MACROD1: variants seen among roughly 807,000 people sequenced by gnomAD.
MACROD1 encodes the protein mono-ADP ribosylhydrolase 1.
In MACROD1, 31 loss-of-function variants were observed where a neutral mutation model predicts 41.4. The ratio of observed to expected loss-of-function variants is 0.75; its 90% CI spans 0.56 to 1.01. The LOEUF (loss-of-function observed/expected upper bound fraction) is 1.01, where lower values mean the gene tolerates loss of function less well. MACROD1 is among the 50% of genes least tolerant of loss of function. The pLI, the probability that MACROD1 is intolerant of heterozygous loss-of-function variation, is 0.00. For missense variants in MACROD1, 473 were observed against 460.0 expected, an observed-to-expected ratio of 1.03 and a Z score of -0.26; for synonymous variants, 252 against 203.4, an observed-to-expected ratio of 1.24 and a Z score of -2.03.
chr11:64,137,134 G>A (rs761659984), intron 3 of MACROD1, among the ~76,000 whole-genome samples: 15 of 152,204 alleles, frequency 9.9e-5, no homozygotes, highest in Non-Finnish European at 1.5e-5. Flanking sequence ...CAGCCCCCCA[G>A]GGGCAACCCT....
At chr11:64,115,670 C>CCCCT (rs1244037296) in intron 3 of MACROD1, among the ~76,000 whole-genome samples, 2 of 152,220 alleles carry the variant, frequency 1.3e-5, no homozygotes, top group Non-Finnish European at 2.9e-5. Context: ...TGGCGACGCC[C>CCCCT]CCCTTTTGAG....
rs1311388463 is a variant in MACROD1, at chr11:64,036,888, A to T, written c.518-21607T>A. Among the ~76,000 whole-genome samples, 1 of 151,856 alleles carries T rather than the reference A, an allele frequency of 6.6e-6. No homozygotes were observed. The highest frequency in any genetic ancestry group is 1.5e-5 in the Non-Finnish European group (1 of 67,968). ...ACGCCCCTCCTCGCGGGCACTGGAG[A>T]CCCCGGGGAGGAAGGCTGGGGAGTG... On this transcript the variant is annotated intron_variant, in intron 3 of 10. Transcript: ENST00000255681. The surrounding 1 kb of genome is among the most constrained non-coding windows in gnomAD (Gnocchi z 5.6).
rs1205594503 is a variant in MACROD1, at chr11:64,047,445, AC to A, written c.518-32165del. Among the ~76,000 whole-genome samples the A allele has an allele frequency of 4.6e-5, 7 of 151,718 alleles. No homozygotes were observed. The East Asian group carries it at 1.4e-3, about 29-fold the overall frequency. Reference sequence around the variant, plus strand: ...TGGGGTCCCTGTCCTGTTCCGTTTCACCCCCAGCAGCCGTAAAGCAGGTGGA... The same window carrying A: ...TGGGGTCCCTGTCCTGTTCCGTTTCACCCCAGCAGCCGTAAAGCAGGTGGA... On this transcript the variant is annotated intron_variant, in intron 3 of 10. Transcript: ENST00000255681.
At chr11:64,118,240 C>A in intron 3 of MACROD1, 1 of 1,608,024 alleles carries the variant, frequency 6.2e-7, no homozygotes, top group Non-Finnish European at 8.5e-7. Flanking sequence ...TACGGCACCA[C>A]GCGGGGCTAC....
intron 3 of MACROD1, among the ~76,000 whole-genome samples, chr11:64,038,234 G>A (rs976158000): frequency 3.9e-5 from 6 of 152,226 alleles, no homozygotes; most frequent in African/African-American, 1.4e-4. Flanking sequence ...TAGCTCTGTA[G>A]AGATTCATGC....
At chr11:64,104,439 A>G (rs1944723340) in intron 3 of MACROD1, among the ~76,000 whole-genome samples, 1 of 152,104 alleles carries the variant, frequency 6.6e-6, no homozygotes, top group African/African-American at 2.4e-5. Context: ...TCTACCCAGC[A>G]GCTGGACCCA....
intron 3 of MACROD1, chr11:64,118,444 G>A (rs1257587996): frequency 5.6e-5 from 50 of 890,640 alleles, no homozygotes; most frequent in East Asian, 4.4e-4. Flanking sequence ...GAGGGCTGAC[G>A]ATTTTGTAGA....
At chr11:64,059,603 A>G (rs1290852306) in intron 3 of MACROD1, among the ~76,000 whole-genome samples, 1 of 151,986 alleles carries the variant, frequency 6.6e-6, no homozygotes, top group Non-Finnish European at 1.5e-5. Context: ...GTGCCTCCGC[A>G]GGGGTCTCGG....
At chr11:64,026,564 C>T (rs1943226687) in intron 3 of MACROD1, among the ~76,000 whole-genome samples, 1 of 152,328 alleles carries the variant, frequency 6.6e-6, no homozygotes, top group East Asian at 1.9e-4. Flanking sequence ...CCAAATTGCT[C>T]TGCAAAGTGG....
At chr11:64,014,012 C>CTG (rs1032579492) in intron 4 of MACROD1, among the ~76,000 whole-genome samples, 1 of 152,196 alleles carries the variant, frequency 6.6e-6, no homozygotes, top group Non-Finnish European at 1.5e-5. Flanking sequence ...ACAGATCACC[C>CTG]TGTGTCTTGG....
chr11:64,144,711 T>C (rs566649971), intron 3 of MACROD1, among the ~76,000 whole-genome samples: 116 of 152,360 alleles, frequency 7.6e-4, no homozygotes, highest in Non-Finnish European at 1.4e-3. Flanking sequence ...CAAAGTCTGC[T>C]GTACAGCCAG....
At chr11:64,058,382 C>T (rs1229302528) in intron 3 of MACROD1, among the ~76,000 whole-genome samples, 1 of 152,212 alleles carries the variant, frequency 6.6e-6, no homozygotes, top group Non-Finnish European at 1.5e-5. Flanking sequence ...TCTGGACAGT[C>T]ACCTGCAGGT....
In MACROD1 at chr11:63,999,382, G is replaced by T; in HGVS notation, c.840C>A (p.Ala280=). Reference sequence around the variant, plus strand: ...CTCGCAGCGTGGCCAGCACGATCTCGGCGGCCGCCTCACAGGGGTAGCCTG... The same window carrying T: ...CTCGCAGCGTGGCCAGCACGATCTCTGCGGCCGCCTCACAGGGGTAGCCTG... ...GVFGYPCEAA[A]EIVLATLREW... is the part of the protein sequence containing the mutation. Residue 280 remains alanine (A), a synonymous_variant, in exon 8 of 11, where the codon GCC becomes GCA. Coordinates refer to ENST00000255681, the MANE Select transcript of MACROD1 (RefSeq NM_014067.4). 6.3e-7 allele frequency: 1 copy of T among 1,591,910 alleles called. No homozygotes were observed.
intron 3 of MACROD1, among the ~76,000 whole-genome samples, chr11:64,037,327 C>G (rs974954002): frequency 6.6e-6 from 1 of 152,048 alleles, no homozygotes; most frequent in African/African-American, 2.4e-5. Context: ...TGTCTCTGCC[C>G]GGCGGCCGCG....
chr11:64,153,625 C>A (rs1945619305), intron 1 of MACROD1, among the ~76,000 whole-genome samples: 1 of 152,126 alleles, frequency 6.6e-6, no homozygotes, highest in Non-Finnish European at 1.5e-5. Flanking sequence ...ATGCTGAGAG[C>A]ATTAGATGAC....
intron 3 of MACROD1, among the ~76,000 whole-genome samples, chr11:64,135,885 C>T (rs1322949689): frequency 6.6e-6 from 1 of 152,200 alleles, no homozygotes; most frequent in Non-Finnish European, 1.5e-5. Context: ...CGCGCCTGCC[C>T]TCTCTCCCCT....
At chr11:64,033,397 AT>A (rs1158634605) in intron 3 of MACROD1, among the ~76,000 whole-genome samples, 3 of 151,986 alleles carry the variant, frequency 2.0e-5, no homozygotes, top group Non-Finnish European at 4.4e-5. Context: ...TATGAAGATG[AT>A]TTTTGTTTGT....
chr11:64,139,312 C>A (rs992486167), intron 3 of MACROD1, among the ~76,000 whole-genome samples: 1 of 152,236 alleles, frequency 6.6e-6, no homozygotes, highest in Non-Finnish European at 1.5e-5. Flanking sequence ...CGTCCCTGCC[C>A]CTGCCAGGAG....
rs754088054 is a variant in MACROD1, at chr11:64,116,966, G to A, written c.517+34273C>T. ...GGCGCCTGGTGCTGGACGGTAACCT[G>A]CTGGCCAACCAGCGCATCGCCGACG... is the stretch of plus-strand genomic sequence containing the variant. On this transcript the variant is annotated intron_variant, in intron 3 of 10. Transcript: ENST00000255681. 4 of 1,611,714 alleles carry A rather than the reference G, an allele frequency of 2.5e-6. No individual in the cohort carries two copies. Among genetic ancestry groups the A allele is most frequent in the South Asian group, 1.1e-5 (1 of 91,068 alleles).
Sources: allele counts gnomAD v4.1 joint callset (sites outside exome capture counted in the v4.1 genomes callset), GRCh38; gene constraint gnomAD v4.1.1; non-coding constraint Gnocchi (gnomAD v3.1); transcripts MANE v1.5; gene names NCBI Gene and HGNC (gene_info 2026-07-23, HGNC 2026-07-21).